Variants in CFTR observed in about 807,000 individuals in gnomAD.
CFTR encodes cystic fibrosis transmembrane conductance regulator.
A neutral mutation model predicts 171.6 loss-of-function variants in CFTR; 181 were observed. That is an observed-to-expected ratio of 1.05 (90% CI 0.93 to 1.19). CFTR has a LOEUF of 1.19. CFTR is among the 50% of genes most tolerant of loss of function. CFTR has a pLI of 0.00. For synonymous variants in CFTR, 583 were observed against 608.0 expected, an observed-to-expected ratio of 0.96 and a Z score of 0.60; for missense variants, 1,968 against 1,734.7, an observed-to-expected ratio of 1.13 and a Z score of -2.39.
Position 117,488,445 on chromosome 7 carries a change from C to G in CFTR, c.53+8298C>G, listed in dbSNP as rs35616800. ...ACTTTTCAGAAGAAGAAAATGGTAG[C>G]TTAACAGTTATTAGATTATTGTCCA... On this transcript the variant is annotated intron_variant, in intron 1 of 26. Coordinates refer to ENST00000003084, the MANE Select transcript of CFTR (RefSeq NM_000492.4). 3.4e-3 allele frequency among the ~76,000 whole-genome samples: 513 copies of G among 152,064 alleles called. 3 individuals carry two copies. Among genetic ancestry groups the G allele is most frequent in the Non-Finnish European group, 6.5e-3 (439 of 67,948 alleles).
chr7:117,646,252 T>G, intron 23 of CFTR, among the ~76,000 whole-genome samples: 1 of 152,196 alleles, frequency 6.6e-6, no homozygotes, highest in East Asian at 1.9e-4. Context: ...TGGTTGTTAT[T>G]ATTTTTTATA....
At chr7:117,563,973 T>C (rs554223558) in intron 11 of CFTR, among the ~76,000 whole-genome samples, 1 of 152,326 alleles carries the variant, frequency 6.6e-6, no homozygotes, top group African/African-American at 2.4e-5. Context: ...TTTAAGCAAA[T>C]GTAATGAATA....
At chr7:117,538,153 C>T (rs538012477) in intron 7 of CFTR, among the ~76,000 whole-genome samples, 5 of 152,200 alleles carry the variant, frequency 3.3e-5, no homozygotes, top group African/African-American at 9.6e-5. Context: ...GAAGTGTTGA[C>T]ATAAATATGG....
chr7:117,603,078 G>A (rs1792249500), intron 16 of CFTR, among the ~76,000 whole-genome samples: 1 of 152,260 alleles, frequency 6.6e-6, no homozygotes, highest in East Asian at 1.9e-4. Flanking sequence ...GCTGACGCAG[G>A]AGGATCACTT....
At chr7:117,662,842 A>G (rs1269706515) in intron 24 of CFTR, among the ~76,000 whole-genome samples, 1 of 152,156 alleles carries the variant, frequency 6.6e-6, no homozygotes, top group Non-Finnish European at 1.5e-5. Context: ...AAAATTATTA[A>G]CTTATAGGTG....
At chr7:117,626,487 A>G (rs922714805) in intron 21 of CFTR, among the ~76,000 whole-genome samples, 1 of 152,156 alleles carries the variant, frequency 6.6e-6, no homozygotes, top group Admixed American at 6.6e-5. Context: ...GCCAGCATCA[A>G]TAATTACTAG....
At chr7:117,600,919 G>C (rs1168418737) in intron 15 of CFTR, among the ~76,000 whole-genome samples, 1 of 151,978 alleles carries the variant, frequency 6.6e-6, no homozygotes, top group Non-Finnish European at 1.5e-5. Context: ...TTAAGTCCTT[G>C]AAAATATTTT....
chr7:117,640,018 GCACCAAA>G (rs1792887289), intron 22 of CFTR, among the ~76,000 whole-genome samples: 1 of 152,080 alleles, frequency 6.6e-6, no homozygotes, highest in Non-Finnish European at 1.5e-5. Context: ...ATTACAGCTA[GCACCAAA>G]TTCAACACTG....
chr7:117,644,609 C>CA (rs1038724512), intron 23 of CFTR, among the ~76,000 whole-genome samples: 3 of 152,206 alleles, frequency 2.0e-5, no homozygotes, highest in African/African-American at 7.2e-5. Context: ...GAACTTTGAA[C>CA]AAGAAATTTC....
chr7:117,489,953 C>T (rs535433911), intron 1 of CFTR, among the ~76,000 whole-genome samples: 1 of 151,990 alleles, frequency 6.6e-6, no homozygotes, highest in Non-Finnish European at 1.5e-5. Flanking sequence ...TTAATTCTTC[C>T]CCCATCTTGG....
chr7:117,498,223 A>G (rs984553982), intron 1 of CFTR, among the ~76,000 whole-genome samples: 2 of 152,134 alleles, frequency 1.3e-5, no homozygotes, highest in Non-Finnish European at 2.9e-5. Context: ...GTGTTTACCT[A>G]CCTAGAGAAA....
chr7:117,662,716 G>T (rs556730002), intron 24 of CFTR, among the ~76,000 whole-genome samples: 34 of 152,274 alleles, frequency 2.2e-4, no homozygotes, highest in Middle Eastern at 3.4e-3. Context: ...AGATTTGTAG[G>T]ATGATTCTTA....
At chr7:117,511,948 A>G (rs1292599783) in intron 3 of CFTR, among the ~76,000 whole-genome samples, 1 of 152,134 alleles carries the variant, frequency 6.6e-6, no homozygotes, top group African/African-American at 2.4e-5. Flanking sequence ...TATTTATGGT[A>G]TTATTTATGG....
chr7:117,614,782 A>G, intron 21 of CFTR, 69 bp downstream of exon 21: 3 of 961,582 alleles, frequency 3.1e-6, no homozygotes, highest in South Asian at 2.6e-5. Flanking sequence ...GAGTAATAGC[A>G]TGAGGAAGAA....
chr7:117,649,524 T>A (rs1291778126), intron 23 of CFTR, among the ~76,000 whole-genome samples: 1 of 149,030 alleles, frequency 6.7e-6, no homozygotes, highest in Non-Finnish European at 1.5e-5. Flanking sequence ...TATATATTTT[T>A]TTTTTCCTGA....
chr7:117,598,559 G>A (rs1562910179), intron 15 of CFTR, among the ~76,000 whole-genome samples: 1 of 152,200 alleles, frequency 6.6e-6, no homozygotes, highest in Non-Finnish European at 1.5e-5. Context: ...GAATGGTCAA[G>A]AAATATCTAA....
chr7:117,551,188 G>T (rs1157901001), intron 10 of CFTR, among the ~76,000 whole-genome samples: 1 of 152,136 alleles, frequency 6.6e-6, no homozygotes, highest in African/African-American at 2.4e-5. Context: ...TTGAATAATA[G>T]GGGTTTGATT....
intron 4 of CFTR, 140 bp from the exon 5 acceptor site, chr7:117,534,136 C>G: frequency 1.7e-6 from 1 of 597,786 alleles, no homozygotes; most frequent in Non-Finnish European, 3.0e-6. Flanking sequence ...AGATAGTAAG[C>G]TAGATGAATA....
At chr7:117,612,023 G>GTATATATATATATATATATATATATTTA in intron 20 of CFTR, among the ~76,000 whole-genome samples, 1 of 53,228 alleles carries the variant, frequency 1.9e-5, no homozygotes, top group Admixed American at 2.0e-4. Flanking sequence ...ATATATATAT[G>GTATATATATATATATATATATATATTTA]TATATATATA....
Sources: allele counts gnomAD v4.1 joint callset (sites outside exome capture counted in the v4.1 genomes callset), GRCh38; gene constraint gnomAD v4.1.1; transcripts MANE v1.5; gene names NCBI Gene and HGNC (gene_info 2026-07-23, HGNC 2026-07-21).